The following RORA variants were observed in gnomAD, a reference collection of about 807,000 sequenced individuals.
RORA encodes the protein nuclear receptor ROR-alpha.
A neutral mutation model predicts 69.5 loss-of-function variants in RORA; 7 were observed. That is an observed-to-expected ratio of 0.10 (90% CI 0.06 to 0.19). The LOEUF (loss-of-function observed/expected upper bound fraction) is 0.19. Ranked by LOEUF, RORA falls within the 10% of genes least tolerant of loss-of-function variation. The pLI is 1.00. For missense variants in RORA, 457 were observed against 663.0 expected, an observed-to-expected ratio of 0.69 and a Z score of 3.41; for synonymous variants, 261 against 240.8, an observed-to-expected ratio of 1.08 and a Z score of -0.78.
chr15:60,550,613 GA>G (rs1314609984), intron 2 of RORA, among the ~76,000 whole-genome samples: 3 of 152,072 alleles, frequency 2.0e-5, no homozygotes, highest in Non-Finnish European at 4.4e-5. Flanking sequence ...GCTTTCAATG[GA>G]AAAAAATTAA....
chr15:60,680,520 C>T (rs2070626978), intron 1 of RORA, among the ~76,000 whole-genome samples: 1 of 152,176 alleles, frequency 6.6e-6, no homozygotes, highest in South Asian at 2.1e-4. Flanking sequence ...TCGGAGGTCG[C>T]AGTAGCTGGC....
Position 60,910,998 on chromosome 15 carries a change from G to A in RORA, c.167-232312C>T, listed in dbSNP as rs186989128. Among the ~76,000 whole-genome samples the A allele has an allele frequency of 8.6e-4, 126 of 146,398 alleles. 1 individual carries two copies. The highest frequency in any genetic ancestry group is 1.4e-3 in the Non-Finnish European group (97 of 67,236). ...GGCTCACTGCAACCTCCGCCTTCCA[G>A]GTTCAATGATTCTCCTGCTTTAGCT... On this transcript the variant is annotated intron_variant, in intron 1 of 10. Coordinates refer to ENST00000335670, the MANE Select transcript of RORA (RefSeq NM_134261.3).
chr15:61,192,040 C>T (rs1358895533), intron 1 of RORA, among the ~76,000 whole-genome samples: 1 of 151,614 alleles, frequency 6.6e-6, no homozygotes, highest in Admixed American at 6.6e-5. Context: ...AGATTTTAGG[C>T]GGTAGCTCTC....
At chr15:60,568,968 ATAT>A (rs2067796331) in intron 2 of RORA, among the ~76,000 whole-genome samples, 1 of 149,816 alleles carries the variant, frequency 6.7e-6, no homozygotes, top group South Asian at 2.1e-4. Flanking sequence ...AAAAAACTCA[ATAT>A]TATGGCATTT....
chr15:60,808,137 C>G (rs994614841), intron 1 of RORA, among the ~76,000 whole-genome samples: 1 of 152,112 alleles, frequency 6.6e-6, no homozygotes, highest in Non-Finnish European at 1.5e-5. Flanking sequence ...AATTTACAGA[C>G]AATCTACAGA....
chr15:60,821,290 C>T (rs893642722), intron 1 of RORA, among the ~76,000 whole-genome samples: 1 of 152,180 alleles, frequency 6.6e-6, no homozygotes, highest in African/African-American at 2.4e-5. Flanking sequence ...GTGCTGTTCC[C>T]TTTCAGTGCT....
intron 1 of RORA, among the ~76,000 whole-genome samples, chr15:60,995,926 C>T (rs1894518352): frequency 6.6e-6 from 1 of 152,230 alleles, no homozygotes; most frequent in East Asian, 1.9e-4. Context: ...TGTGAAAGTT[C>T]CTTGCTTATC....
Position 60,505,547 on chromosome 15 carries a change from C to A in RORA, c.903G>T (p.Gln301His). ...TCTCAATTTCTTCCTGTAAAAAGGT[C>A]TGCCACGTTATCTGCTGGAGCTCTT... ...LREELQQITW[Q>H]TFLQEEIENY... is the part of the protein sequence containing the mutation. The change falls in exon 6 of 11, where the codon CAG (glutamine) becomes CAT (histidine). Residue 301 changes from glutamine to histidine, a missense_variant. Physicochemically the swap from Gln to His is conservative, Grantham distance 24 (BLOSUM62 0). Coordinates refer to ENST00000335670, the MANE Select transcript of RORA (RefSeq NM_134261.3). The A allele has an allele frequency of 6.2e-7, 1 of 1,614,022 alleles. No individual in the cohort carries two copies. Among genetic ancestry groups the A allele is most frequent in the South Asian group, 1.1e-5 (1 of 91,078 alleles).
chr15:60,604,236 C>T (rs577915364), intron 2 of RORA, among the ~76,000 whole-genome samples: 1 of 151,504 alleles, frequency 6.6e-6, no homozygotes, highest in South Asian at 2.1e-4. Flanking sequence ...AACAAGAGGG[C>T]AGAACATCAC....
chr15:61,038,136 T>A (rs1167353924), intron 1 of RORA, among the ~76,000 whole-genome samples: 3 of 152,218 alleles, frequency 2.0e-5, no homozygotes, highest in African/African-American at 7.2e-5. Context: ...GAAATACTTT[T>A]CTTTTTTCCA....
chr15:60,952,551 C>T (rs927927378), intron 1 of RORA, among the ~76,000 whole-genome samples: 2 of 152,028 alleles, frequency 1.3e-5, no homozygotes, highest in African/African-American at 2.4e-5. Context: ...CCCATTGTCT[C>T]AGCCCAAAAT....
In RORA at chr15:60,593,019, T is replaced by C. The variant is rs1036998927; in HGVS notation, c.197-61168A>G. 19 of 448,082 alleles carry C rather than the reference T, an allele frequency of 4.2e-5. 1 individual carries two copies. The highest frequency in any genetic ancestry group is 1.1e-4 in the South Asian group (7 of 63,034). 27.8% of individuals were successfully genotyped at this position (448,082 alleles called of 1,614,324 possible). On this transcript the variant is annotated intron_variant, in intron 2 of 10. Transcript: ENST00000335670. ...CTACGGTCACCCGCATTTCCTAGAG[T>C]GCCCCAGCTCTAATCGGAAGGTACG...
chr15:60,709,302 A>G (rs1291309493), intron 1 of RORA, among the ~76,000 whole-genome samples: 6 of 152,220 alleles, frequency 3.9e-5, no homozygotes, highest in African/African-American at 1.2e-4. Context: ...TAATTCTACA[A>G]CAACTCTGAG....
At chr15:61,133,672 C>G (rs1373243566) in intron 1 of RORA, among the ~76,000 whole-genome samples, 1 of 152,150 alleles carries the variant, frequency 6.6e-6, no homozygotes, top group Non-Finnish European at 1.5e-5. Flanking sequence ...ACTACATTCA[C>G]CCCATGAACT....
At chr15:60,779,342 C>T (rs1007295421) in intron 1 of RORA, among the ~76,000 whole-genome samples, 1 of 152,158 alleles carries the variant, frequency 6.6e-6, no homozygotes, top group African/African-American at 2.4e-5. Flanking sequence ...TCCTCCAACA[C>T]AACCACAAGG....
At chr15:60,868,716 T>G (rs2073518645) in intron 1 of RORA, among the ~76,000 whole-genome samples, 1 of 152,126 alleles carries the variant, frequency 6.6e-6, no homozygotes, top group Non-Finnish European at 1.5e-5. Flanking sequence ...AAAAAAGGAT[T>G]CTAATGTCAT....
chr15:60,849,206 G>A (rs979133267), intron 1 of RORA: 6 of 152,064 alleles, frequency 3.9e-5, no homozygotes, highest in Non-Finnish European at 8.8e-5. Flanking sequence ...GCTCCCCTAG[G>A]GCAGAGACCT....
chr15:61,163,921 G>A (rs2079518722), intron 1 of RORA, among the ~76,000 whole-genome samples: 1 of 152,172 alleles, frequency 6.6e-6, no homozygotes. Flanking sequence ...ACTTACCCAA[G>A]GTAACACAGC....
At chr15:60,911,708 T>G (rs1363099094) in intron 1 of RORA, among the ~76,000 whole-genome samples, 4 of 151,294 alleles carry the variant, frequency 2.6e-5, no homozygotes, top group Non-Finnish European at 5.9e-5. Context: ...TTTTGATTTT[T>G]TTTTTTTTTT....
Sources: gnomAD v4.1 joint callset for allele counts (sites outside exome capture counted in the v4.1 genomes callset) on GRCh38, gnomAD v4.1.1 for gene constraint, MANE v1.5 for transcripts, NCBI Gene and HGNC (gene_info 2026-07-23, HGNC 2026-07-21) for gene names.